Variants in TMTC1 observed in about 807,000 individuals in gnomAD.
TMTC1 encodes the protein protein O-mannosyl-transferase TMTC1.
In TMTC1, 73 loss-of-function variants were observed where a neutral mutation model predicts 104.8. The ratio of observed to expected loss-of-function variants is 0.70; its 90% CI spans 0.58 to 0.85. The LOEUF (loss-of-function observed/expected upper bound fraction) is 0.85, where lower values mean the gene tolerates loss of function less well. Ranked by LOEUF, TMTC1 falls within the 40% of genes least tolerant of loss-of-function variation. TMTC1 has a pLI of 0.00. For missense variants in TMTC1, 1,035 were observed against 1,096.1 expected (o/e 0.94, Z 0.79); for synonymous variants, 434 against 428.7 (o/e 1.01, Z -0.15).
rs1939461171 is a variant in TMTC1 at position 29,650,383 on chromosome 12, C to T, written c.939-17047G>A. ...TACAGGTGTGAGCCACCTTGCCCAG[C>T]CCCTACCTAACTTTCTGATTTTGAC... is the stretch of plus-strand genomic sequence containing the variant. On this transcript the variant is annotated intron_variant, in intron 5 of 17. Transcript: ENST00000539277. 1.3e-5 allele frequency among the ~76,000 whole-genome samples: 2 copies of T among 152,106 alleles called. 1 individual carries two copies. Among genetic ancestry groups the T allele is most frequent in the Non-Finnish European group, 2.9e-5 (2 of 68,024 alleles).
chr12:29,561,794 C>T (rs1028412802), intron 9 of TMTC1, among the ~76,000 whole-genome samples: 3 of 152,146 alleles, frequency 2.0e-5, no homozygotes, highest in African/African-American at 7.2e-5. Flanking sequence ...AATTTCCTTT[C>T]GGAGAATACA....
intron 2 of TMTC1, among the ~76,000 whole-genome samples, chr12:29,763,961 C>T (rs577887244): frequency 4.6e-5 from 7 of 152,318 alleles, no homozygotes; most frequent in African/African-American, 1.7e-4. Flanking sequence ...GAACATTAAA[C>T]TGGAGCCAGT....
At chr12:29,671,628 G>C (rs922553981) in intron 5 of TMTC1, among the ~76,000 whole-genome samples, 2 of 152,178 alleles carry the variant, frequency 1.3e-5, no homozygotes, top group African/African-American at 4.8e-5. Context: ...GGAAACTGAG[G>C]TGTAAAAAAG....
intron 2 of TMTC1, among the ~76,000 whole-genome samples, chr12:29,761,751 C>G (rs68059787): frequency 0.12 from 17,915 of 152,122 alleles, 1,218 homozygotes; most frequent in African/African-American, 0.2. Flanking sequence ...ACCCACGTCA[C>G]AGAAGACCCG....
intron 5 of TMTC1, among the ~76,000 whole-genome samples, chr12:29,713,376 T>A (rs1437600587): frequency 6.6e-6 from 1 of 151,286 alleles, no homozygotes; most frequent in Non-Finnish European, 1.5e-5. Flanking sequence ...ATTTCTTCAG[T>A]TTCTCTGGAG....
At position 29,751,801 on chromosome 12, in the gene TMTC1, T is replaced by C. The variant is rs777622196; in HGVS notation, c.803A>G (p.His268Arg). Residue 268 changes from histidine to arginine, a missense_variant, in exon 5 of 18, where the codon CAT becomes CGT. By Grantham distance (29) the His-to-Arg change is conservative (BLOSUM62 0). Coordinates refer to ENST00000539277, the MANE Select transcript of TMTC1 (RefSeq NM_001193451.2). ...CTGCTTCCCATTCTCCCGGTGAGGA[T>C]GGCCTGGCAGTGAGGAGGGCTGGGG... ...GSPQPSSLPG[H>R]PHRENGKQQR... The C allele has an allele frequency of 5.0e-6, 8 of 1,612,596 alleles. No individual in the cohort carries two copies. The highest frequency in any genetic ancestry group is 6.8e-6 in the Non-Finnish European group (8 of 1,179,362).
At chr12:29,720,274 C>T (rs1357572507) in intron 5 of TMTC1, among the ~76,000 whole-genome samples, 1 of 152,196 alleles carries the variant, frequency 6.6e-6, no homozygotes, top group African/African-American at 2.4e-5. Flanking sequence ...GATCCCTGAG[C>T]ATATTCCATA....
chr12:29,606,159 G>T (rs989185291), intron 6 of TMTC1, among the ~76,000 whole-genome samples: 1 of 152,166 alleles, frequency 6.6e-6, no homozygotes, highest in Admixed American at 6.5e-5. Context: ...TGTGAAAAGT[G>T]CTGTGATAAA....
At chr12:29,561,617 T>A (rs1413533548) in intron 9 of TMTC1, among the ~76,000 whole-genome samples, 1 of 152,236 alleles carries the variant, frequency 6.6e-6, no homozygotes, top group Admixed American at 6.5e-5. Flanking sequence ...TCCATAGACA[T>A]AAGCTGTATG....
intron 9 of TMTC1, 25 bp from the exon 10 acceptor site, chr12:29,557,025 G>A (rs775096015): frequency 6.2e-7 from 1 of 1,610,864 alleles, no homozygotes; most frequent in South Asian, 1.1e-5. Flanking sequence ...ATATTAAGCT[G>A]TGATGGTTCA....
At chr12:29,738,715 T>C (rs1942747835) in intron 5 of TMTC1, among the ~76,000 whole-genome samples, 1 of 152,200 alleles carries the variant, frequency 6.6e-6, no homozygotes, top group African/African-American at 2.4e-5. Flanking sequence ...GAATGAATAA[T>C]AGAAATGGAT....
intron 5 of TMTC1, among the ~76,000 whole-genome samples, chr12:29,636,656 A>C (rs1290420111): frequency 6.6e-6 from 1 of 151,930 alleles, no homozygotes; most frequent in Non-Finnish European, 1.5e-5. Flanking sequence ...TGTCTCTACT[A>C]AAAATACAAA....
intron 5 of TMTC1, among the ~76,000 whole-genome samples, chr12:29,643,606 A>ATATAATATATATCTATATATTATT: frequency 2.0e-5 from 1 of 51,254 alleles, no homozygotes; most frequent in Non-Finnish European, 3.3e-5. Context: ...ATTATATATT[A>ATATAATATATATCTATATATTATT]TATATAATAT....
chr12:29,717,404 A>T, intron 5 of TMTC1, among the ~76,000 whole-genome samples: 1 of 152,190 alleles, frequency 6.6e-6, no homozygotes, highest in East Asian at 1.9e-4. Flanking sequence ...CACCCGGTCT[A>T]AATTGAGTGG....
intron 5 of TMTC1, among the ~76,000 whole-genome samples, chr12:29,747,269 G>A (rs1942977127): frequency 6.6e-6 from 1 of 152,030 alleles, no homozygotes; most frequent in African/African-American, 2.4e-5. Flanking sequence ...AAGATGTTGG[G>A]GGATGTTTAC....
At chr12:29,576,292 C>A (rs1015113810) in intron 8 of TMTC1, among the ~76,000 whole-genome samples, 6 of 152,082 alleles carry the variant, frequency 3.9e-5, no homozygotes, top group African/African-American at 1.4e-4. Flanking sequence ...TTGCTGCCTG[C>A]GCTCTTAGTG....
At chr12:29,519,513 T>C (rs1012992066) in intron 12 of TMTC1, 2 of 152,066 alleles carry the variant, frequency 1.3e-5, no homozygotes, top group African/African-American at 4.8e-5. Context: ...AAATTCTAAA[T>C]AGAATGGAAT....
At chr12:29,607,082 C>G (rs1946722282) in intron 6 of TMTC1, among the ~76,000 whole-genome samples, 1 of 152,148 alleles carries the variant, frequency 6.6e-6, no homozygotes, top group Non-Finnish European at 1.5e-5. Flanking sequence ...CAGCCTCCCC[C>G]AGAAATCTGA....
chr12:29,646,224 T>C (rs79658668), intron 5 of TMTC1, among the ~76,000 whole-genome samples: 8,597 of 152,240 alleles, frequency 0.056, 285 homozygotes, highest in African/African-American at 0.074. Flanking sequence ...CCTAGCAGGG[T>C]TGACATAAAC....
Sources: gnomAD v4.1 joint callset for allele counts (sites outside exome capture counted in the v4.1 genomes callset) on GRCh38, gnomAD v4.1.1 for gene constraint, MANE v1.5 for transcripts, NCBI Gene and HGNC (gene_info 2026-07-23, HGNC 2026-07-21) for gene names.